The following GLUD1 variants were observed in gnomAD, a reference collection of about 807,000 sequenced individuals.
The protein encoded by GLUD1 is glutamate dehydrogenase 1.
In GLUD1, 22 loss-of-function variants were observed where a neutral mutation model predicts 56.0. The observed-to-expected ratio is 0.39, with a 90% CI of 0.28 to 0.56. GLUD1 has a LOEUF of 0.56. GLUD1 is among the 20% of genes least tolerant of loss of function. GLUD1 has a pLI of 0.58. For synonymous variants in GLUD1, 223 were observed against 269.9 expected (o/e 0.83, Z 1.70); for missense variants, 451 against 732.0 (o/e 0.62, Z 4.43).
At chr10:87,081,244 G>A (rs1310251571) in intron 1 of GLUD1, among the ~76,000 whole-genome samples, 1 of 149,216 alleles carries the variant, frequency 6.7e-6, no homozygotes, top group African/African-American at 2.5e-5. Flanking sequence ...GGAGGTGAGG[G>A]GGCGCCTCTG....
At chr10:87,058,152 G>A (rs566184351) in intron 10 of GLUD1, among the ~76,000 whole-genome samples, 3 of 152,228 alleles carry the variant, frequency 2.0e-5, no homozygotes, top group African/African-American at 7.2e-5. Context: ...ACAGGCGTGA[G>A]CCACTGCGCC....
chr10:87,079,896 C>T (rs1197274364), intron 1 of GLUD1, among the ~76,000 whole-genome samples: 2 of 133,268 alleles, frequency 1.5e-5, no homozygotes, highest in Non-Finnish European at 3.2e-5. Flanking sequence ...TGCTCTCCCT[C>T]TCCCTCCCCC....
chr10:87,091,885 T>A (rs1317675977), intron 1 of GLUD1, among the ~76,000 whole-genome samples: 1 of 151,130 alleles, frequency 6.6e-6, no homozygotes, highest in Admixed American at 6.6e-5. Context: ...AAAGAACCAA[T>A]GGGAGAGAAG....
At chr10:87,080,561 T>C (rs556652773) in intron 1 of GLUD1, among the ~76,000 whole-genome samples, 324 of 148,322 alleles carry the variant, frequency 2.2e-3, no homozygotes, top group African/African-American at 7.7e-3. Context: ...GCCCATCGTC[T>C]GCGATGTGGG....
At chr10:87,059,025 A>G (rs1227552873) in intron 10 of GLUD1, 125 bp downstream of exon 10, 1 of 1,142,920 alleles carries the variant, frequency 8.7e-7, no homozygotes, top group Non-Finnish European at 1.3e-6. Flanking sequence ...ATGAGACAAA[A>G]TATTATTTTC....
intron 4 of GLUD1, 23 bp from the exon 5 acceptor site, chr10:87,068,180 G>A (rs1480931418): frequency 2.8e-6 from 4 of 1,439,718 alleles, no homozygotes; most frequent in Admixed American, 3.3e-5. Flanking sequence ...AGGGAAAGAG[G>A]AGTGCACCAG....
intron 12 of GLUD1, 49 bp downstream of exon 12, chr10:87,053,293 T>G (rs545650379): frequency 5.7e-6 from 7 of 1,227,632 alleles, no homozygotes; most frequent in Non-Finnish European, 8.5e-6. Flanking sequence ...CATGGTTGAG[T>G]TGCACTTCAT....
intron 6 of GLUD1, among the ~76,000 whole-genome samples, chr10:87,061,558 G>C (rs1229571512): frequency 6.6e-6 from 1 of 152,014 alleles, no homozygotes. Context: ...CAGGTCCTCA[G>C]TCCTTGATGA....
intron 1 of GLUD1, chr10:87,089,629 T>C: frequency 1.0e-6 from 1 of 985,322 alleles, no homozygotes; most frequent in Non-Finnish European, 1.2e-6. Context: ...CTAGGTGTAG[T>C]TGCCTTTTTG....
At chr10:87,055,466 G>T (rs1375046394) in intron 11 of GLUD1, among the ~76,000 whole-genome samples, 1 of 152,174 alleles carries the variant, frequency 6.6e-6, no homozygotes, top group Non-Finnish European at 1.5e-5. Flanking sequence ...GGGCAGTGGG[G>T]TGACCAAAGG....
chr10:87,074,487 CAAA>C (rs375835858), intron 4 of GLUD1, 61 bp downstream of exon 4: 77 of 761,336 alleles, frequency 1.0e-4, no homozygotes, highest in African/African-American at 2.1e-4. Flanking sequence ...GACTCCGTCT[CAAA>C]AAAAAAAAAA....
chr10:87,052,669 CAAAAAAAAA>C lies in GLUD1; in HGVS notation c.1557+664_1557+672del, dbSNP rs751155208. ...TGGGCAACAGGGCAAAACTCCGTCT[CAAAAAAAAA>C]AAAAAAAAAAAAAAAAAGGGAGTGA... On this transcript the variant is annotated intron_variant, in intron 12 of 12. Coordinates refer to ENST00000277865, the MANE Select transcript of GLUD1 (RefSeq NM_005271.5). Among the ~76,000 whole-genome samples the C allele has an allele frequency of 1.1e-3, 46 of 41,724 alleles. 1 individual carries two copies. The highest frequency in any genetic ancestry group is 2.8e-3 in the African/African-American group (40 of 14,434). 27.4% of individuals were successfully genotyped at this position (41,724 alleles called of 152,430 possible). A position where few individuals can be genotyped will look rare whatever the true frequency, so the allele number is the denominator to read the frequency against.
At chr10:87,059,307 A>G (rs1845869217) in intron 9 of GLUD1, 34 bp from the exon 10 acceptor site, 1 of 1,609,682 alleles carries the variant, frequency 6.2e-7, no homozygotes, top group African/African-American at 1.3e-5. Context: ...AAATTAGAAG[A>G]TGATGGTTTT....
chr10:87,058,756 C>T (rs1456390155), intron 10 of GLUD1, among the ~76,000 whole-genome samples: 1 of 152,000 alleles, frequency 6.6e-6, no homozygotes, highest in Admixed American at 6.6e-5. Flanking sequence ...CCGGGCGTGG[C>T]GGTGAGTGCC....
At chr10:87,060,498 T>C (rs964419787) in intron 8 of GLUD1, 190 bp downstream of exon 8, 27 of 765,752 alleles carry the variant, frequency 3.5e-5, no homozygotes, top group African/African-American at 3.5e-4. Context: ...TTGGTAATGG[T>C]TGCACAACTC....
At chr10:87,090,351 T>A (rs1272020512) in intron 1 of GLUD1, among the ~76,000 whole-genome samples, 1 of 152,214 alleles carries the variant, frequency 6.6e-6, no homozygotes, top group Non-Finnish European at 1.5e-5. Context: ...GTGCTTAGGA[T>A]CCAATTTTTG....
chr10:87,079,441 AAAAAAAG>A (rs1173976921), intron 1 of GLUD1, among the ~76,000 whole-genome samples: 58 of 152,280 alleles, frequency 3.8e-4, no homozygotes, highest in Non-Finnish European at 6.9e-4. Context: ...TTCCTCAAAA[AAAAAAAG>A]AAAAAAGAAA....
intron 4 of GLUD1, among the ~76,000 whole-genome samples, chr10:87,072,452 G>T (rs1846265170): frequency 6.6e-6 from 1 of 152,156 alleles, no homozygotes; most frequent in Non-Finnish European, 1.5e-5. Flanking sequence ...CTGTGGAATG[G>T]GCAGTCAGGA....
intron 1 of GLUD1, among the ~76,000 whole-genome samples, chr10:87,082,432 A>G (rs1486214008): frequency 1.3e-5 from 2 of 152,244 alleles, no homozygotes; most frequent in Non-Finnish European, 2.9e-5. Flanking sequence ...ACTGCTAAAC[A>G]GTGAAGAGAA....
Sources: allele counts gnomAD v4.1 joint callset (sites outside exome capture counted in the v4.1 genomes callset), GRCh38; gene constraint gnomAD v4.1.1; transcripts MANE v1.5; gene names NCBI Gene and HGNC (gene_info 2026-07-23, HGNC 2026-07-21).